NUTM2F: variants seen among roughly 807,000 people sequenced by gnomAD.
The protein encoded by NUTM2F is NUT family member 2F.
A neutral mutation model predicts 43.3 loss-of-function variants in NUTM2F; 22 were observed. The ratio of observed to expected loss-of-function variants is 0.51; its 90% CI spans 0.36 to 0.73. NUTM2F has a LOEUF of 0.73. Among genes scored for constraint, NUTM2F ranks in the 30% least tolerant of loss-of-function variants. The pLI is 0.00. For synonymous variants in NUTM2F, 202 were observed against 389.0 expected, an observed-to-expected ratio of 0.52 and a Z score of 5.66; for missense variants, 488 against 927.4, an observed-to-expected ratio of 0.53 and a Z score of 6.15.
chr9:94,323,923 C>G (rs541647032), intron 2 of NUTM2F, among the ~76,000 whole-genome samples: 1 of 152,266 alleles, frequency 6.6e-6, no homozygotes, highest in East Asian at 1.9e-4. Context: ...ATGTGATGTG[C>G]CCCTGGCCAT....
Position 94,325,051 on chromosome 9 carries a change from G to A in NUTM2F, c.713+187C>T, listed in dbSNP as rs567596019. On this transcript the variant is annotated intron_variant, in intron 2 of 6. Coordinates refer to ENST00000253262, the MANE Select transcript of NUTM2F (RefSeq NM_017561.2). ...GGACAGTGACAGGCAGTTGACGTGAGGCCCCTGACAGTCTGTCCTGAGCCG... is the reference window on the plus strand; with the variant it reads ...GGACAGTGACAGGCAGTTGACGTGAAGCCCCTGACAGTCTGTCCTGAGCCG... Among the ~76,000 whole-genome samples, 287 of 139,918 alleles carry A rather than the reference G, an allele frequency of 2.1e-3. 37 individuals are homozygous for A. The highest frequency in any genetic ancestry group is 7.5e-3 in the African/African-American group (271 of 36,102). The allele number at this position is 139,918 out of a possible 152,430, so 91.8% of individuals were successfully genotyped here.
intron 2 of NUTM2F, among the ~76,000 whole-genome samples, chr9:94,323,621 A>C (rs569632096): frequency 3.0e-4 from 46 of 152,308 alleles, no homozygotes; most frequent in East Asian, 9.7e-4. Flanking sequence ...GACAGTAATC[A>C]TAACTGCTGT....
rs1180687607 is a variant in NUTM2F, at chr9:94,319,633, C to T, written c.1465G>A (p.Glu489Lys). The T allele has an allele frequency of 7.4e-6, 12 of 1,612,270 alleles. No individual in the cohort carries two copies. In the South Asian group the frequency reaches 1.2e-4, roughly 16 times the overall value. Reference protein sequence around the residue: ...LALSQELEQEEGLTLAQLVEK... With the variant: ...LALSQELEQEKGLTLAQLVEK... ...TCTACCTGGGCAAGGGTGAGTCCTT[C>T]CTCCTGCTCCAGCTCCTGGCTTAGG... The change falls in exon 6 of 7, where the codon GAA (glutamate) becomes AAA (lysine). Residue 489 changes from glutamate (E) to lysine (K), a missense_variant. Coordinates refer to ENST00000253262, the MANE Select transcript of NUTM2F (RefSeq NM_017561.2).
Position 94,325,395 on chromosome 9 carries a change from C to A in NUTM2F, c.556G>T (p.Gly186Cys). 1 of 982,990 alleles carries A rather than the reference C, an allele frequency of 1.0e-6. No individual in the cohort carries two copies. Among genetic ancestry groups the A allele is most frequent in the Non-Finnish European group, 1.4e-6 (1 of 710,832 alleles). The allele number at this position is 982,990 out of a possible 1,614,324, so 60.9% of individuals were successfully genotyped here. The stretch of plus-strand genomic sequence containing the variant: ...TTGGCCTGGGAGGGAGCCAGGCTGC[C>A]CTCTCCATGAGCCCCTTGTGGCCAT... The part of the protein sequence containing the change: ...RPWPQGAHGE[G>C]SLAPSQAKAR... Residue 186 changes from glycine (G) to cysteine (C), a missense_variant, in exon 2 of 7, where the codon GGC (glycine) becomes TGC (cysteine). By Grantham distance (159) the Gly-to-Cys change is radical. Coordinates refer to ENST00000253262, the MANE Select transcript of NUTM2F (RefSeq NM_017561.2).
rs200001141 is a variant in NUTM2F, at chr9:94,320,405, G to A, written c.1171C>T (p.Pro391Ser). Residue 391 changes from proline to serine, a missense_variant, in exon 5 of 7, where the codon CCC becomes TCC. Pro to Ser is a moderately conservative substitution (Grantham distance 74, BLOSUM62 -1). Coordinates refer to ENST00000253262, the MANE Select transcript of NUTM2F (RefSeq NM_017561.2). The surrounding 1 kb of genome is among the most constrained non-coding windows in gnomAD (Gnocchi z 4.5). The stretch of plus-strand genomic sequence containing the variant: ...ACATACTCCTGCACCACTTCAGGGG[G>A]GATCTCCTCAGGGACCTTGGTCTCC... The part of the protein sequence containing the change: ...PAETKVPEEI[P>S]PEVVQEYVDI... The A allele has an allele frequency of 1.2e-4, 198 of 1,612,816 alleles. No homozygotes were observed. The highest frequency in any genetic ancestry group is 1.5e-4 in the Non-Finnish European group (182 of 1,179,880).
rs1831337750 is a variant in NUTM2F at position 94,320,139 on chromosome 9, T to C, written c.1368+69A>G. Reference sequence around the variant, plus strand: ...CTACTGAGTAGCTAAGGAACAGAGCTTAATTCCAAGGACCTGGAAGTGCCA... The same window carrying C: ...CTACTGAGTAGCTAAGGAACAGAGCCTAATTCCAAGGACCTGGAAGTGCCA... On this transcript the variant is annotated intron_variant, in intron 5 of 6. Transcript: ENST00000253262. The surrounding 1 kb of genome is among the most constrained non-coding windows in gnomAD (Gnocchi z 4.5). 7.2e-7 allele frequency: 1 copy of C among 1,398,364 alleles called. No homozygotes were observed. The highest frequency in any genetic ancestry group is 1.4e-5 in the African/African-American group (1 of 70,606). 86.6% of individuals were successfully genotyped at this position (1,398,364 alleles called of 1,614,324 possible).
At chr9:94,322,359 G>A (rs749970386) in intron 2 of NUTM2F, 30 bp from the exon 3 acceptor site, 13 of 1,611,442 alleles carry the variant, frequency 8.1e-6, no homozygotes, top group Non-Finnish European at 1.0e-5. Flanking sequence ...GTCCCAGTCT[G>A]TAAGCCCACC....
chr9:94,325,144 G>C, intron 2 of NUTM2F, 94 bp downstream of exon 2: 1 of 715,988 alleles, frequency 1.4e-6, no homozygotes, highest in Non-Finnish European at 2.3e-6. Flanking sequence ...CAACCGCCCT[G>C]CAAGCTCCCC....
chr9:94,324,008 G>C (rs1271367382), intron 2 of NUTM2F, among the ~76,000 whole-genome samples: 1 of 152,170 alleles, frequency 6.6e-6, no homozygotes, highest in African/African-American at 2.4e-5. Flanking sequence ...GGTGGCTCAC[G>C]CCTGCAATCC....
At chr9:94,323,769 C>T (rs1218755939) in intron 2 of NUTM2F, among the ~76,000 whole-genome samples, 1 of 152,170 alleles carries the variant, frequency 6.6e-6, no homozygotes, top group Non-Finnish European at 1.5e-5. Context: ...GATGCTAATA[C>T]CTGCCCAGCA....
At chr9:94,326,473 G>C (rs572711089) in intron 1 of NUTM2F, among the ~76,000 whole-genome samples, 1 of 152,138 alleles carries the variant, frequency 6.6e-6, no homozygotes, top group East Asian at 1.9e-4. Flanking sequence ...TGGATAGGCC[G>C]GGCGTGCTGG....
chr9:94,322,425 T>A (rs1056425439), intron 2 of NUTM2F, 96 bp from the exon 3 acceptor site: 2 of 1,523,478 alleles, frequency 1.3e-6, no homozygotes, highest in African/African-American at 2.7e-5. Context: ...CCCACACCTG[T>A]CCTGCCATCT....
At chr9:94,321,522 C>G (rs556014876) in intron 3 of NUTM2F, among the ~76,000 whole-genome samples, 101 of 146,484 alleles carry the variant, frequency 6.9e-4, no homozygotes, top group African/African-American at 2.5e-3. Flanking sequence ...ATCAGCTGGC[C>G]GGGGGTGGGG....
rs376058940 is a variant in NUTM2F at position 94,322,319 on chromosome 9, G to A, written c.724C>T (p.Arg242Ter). ...ALSCFLIPVLRSLARRKPTMT... is the reference protein window; with the variant it reads ...ALSCFLIPVL ...GTGGGCTTCCGCCGGGCCAGGGATC[G>A]GAGAACTGGGCTGTAAACCAGTGCA... is the stretch of plus-strand genomic sequence containing the variant. Residue 242 changes from arginine (R) to a stop codon, truncating the protein, a stop_gained, in exon 3 of 7, where the codon CGA becomes TGA. Transcript: ENST00000253262. LOFTEE classifies it high-confidence loss of function. The A allele has an allele frequency of 3.3e-5, 53 of 1,611,772 alleles. No individual in the cohort carries two copies. Among genetic ancestry groups the A allele is most frequent in the South Asian group, 5.5e-5 (5 of 90,976 alleles).
rs1163308159 is a variant in NUTM2F, at chr9:94,320,257, A to G, written c.1319T>C (p.Leu440Pro). Residue 440 changes from leucine to proline, a missense_variant, in exon 5 of 7, where the codon CTC becomes CCC. Leu to Pro is a moderately conservative substitution (Grantham distance 98, BLOSUM62 -3). Transcript: ENST00000253262. The surrounding 1 kb of genome is among the most constrained non-coding windows in gnomAD (Gnocchi z 4.5). ...ACACAGCTTGTCAATGTAGCTCAGG[A>G]GGCCCGGGTCTGAGGTTATCCCGTC... ...EEDGITSDPGLLSYIDKLCSQ... is the reference protein window; with the variant it reads ...EEDGITSDPGPLSYIDKLCSQ... The G allele has an allele frequency of 3.7e-6, 6 of 1,613,852 alleles. No homozygotes were observed. Among genetic ancestry groups the G allele is most frequent in the African/African-American group, 1.3e-5 (1 of 74,916 alleles).
At chr9:94,326,201 G>A (rs925036107) in intron 1 of NUTM2F, among the ~76,000 whole-genome samples, 2 of 151,860 alleles carry the variant, frequency 1.3e-5, no homozygotes, top group Middle Eastern at 3.2e-3. Flanking sequence ...GTCTCCCTCG[G>A]GTGTCCCTGG....
In NUTM2F at chr9:94,328,611, C is replaced by T; in HGVS notation, c.13G>A (p.Gly5Arg). The change falls in exon 1 of 7, where the codon GGA becomes AGA. Residue 5 changes from glycine (G) to arginine (R), a missense_variant. Transcript: ENST00000253262. ...TGCCCCATCCCTACAGGCTCACCTC[C>T]ATTTGAAGCCATCCCCTCAGGCTGG... MASN[G>R]AYPVLGPGVT... 1.9e-6 allele frequency: 3 copies of T among 1,613,692 alleles called. No individual in the cohort carries two copies. Among genetic ancestry groups the T allele is most frequent in the Non-Finnish European group, 2.5e-6 (3 of 1,179,830 alleles).
intron 2 of NUTM2F, among the ~76,000 whole-genome samples, chr9:94,324,781 G>A (rs1356522033): frequency 6.6e-6 from 1 of 151,252 alleles, no homozygotes; most frequent in Non-Finnish European, 1.5e-5. Context: ...ACCTGAGGTC[G>A]GGAGTTCAAG....
intron 1 of NUTM2F, among the ~76,000 whole-genome samples, chr9:94,327,187 T>C (rs1831461966): frequency 1.3e-5 from 2 of 148,162 alleles, no homozygotes; most frequent in Admixed American, 1.4e-4. Flanking sequence ...CACTGCAACC[T>C]CTGCCTCCCA....
Sources: allele counts gnomAD v4.1 joint callset (sites outside exome capture counted in the v4.1 genomes callset), GRCh38; gene constraint gnomAD v4.1.1; non-coding constraint Gnocchi (gnomAD v3.1); transcripts MANE v1.5; gene names NCBI Gene and HGNC (gene_info 2026-07-23, HGNC 2026-07-21).